SPECC1L: variants seen among roughly 807,000 people sequenced by gnomAD.
SPECC1L encodes sperm antigen with calponin homology and coiled-coil domains 1 like, also known as cytospin-A.
Under a neutral mutation model 116.8 loss-of-function variants are expected in SPECC1L, and 40 were observed. The observed-to-expected ratio is 0.34, with a 90% CI of 0.27 to 0.45. The LOEUF is 0.45. Ranked by LOEUF, SPECC1L falls within the 20% of genes least tolerant of loss-of-function variation. The pLI is 1.00. For missense variants in SPECC1L, 1,110 were observed against 1,373.6 expected (o/e 0.81, Z 3.03); for synonymous variants, 504 against 500.6 (o/e 1.01, Z -0.09).
intron 3 of SPECC1L, among the ~76,000 whole-genome samples, chr22:24,306,581 CT>C (rs1569413530): frequency 1.3e-5 from 2 of 152,058 alleles, no homozygotes; most frequent in African/African-American, 4.8e-5. Context: ...CAGGGTCTCA[CT>C]TTTTTACCCT....
chr22:24,410,514 C>T (rs946217617), intron 14 of SPECC1L, among the ~76,000 whole-genome samples: 55 of 152,262 alleles, frequency 3.6e-4, no homozygotes, highest in African/African-American at 1.3e-3. Flanking sequence ...CATCCCACCT[C>T]CCCACACCAG....
chr22:24,321,741 G>A lies in SPECC1L; in HGVS notation c.761G>A (p.Arg254His), dbSNP rs1331475124. 1.2e-6 allele frequency: 2 copies of A among 1,614,074 alleles called. No homozygotes were observed. Among genetic ancestry groups the A allele is most frequent in the African/African-American group, 2.7e-5 (2 of 74,934 alleles). The change falls in exon 5 of 17, where the codon CGT (arginine) becomes CAT (histidine). Residue 254 changes from arginine to histidine, a missense_variant. Around this residue, in one of 4 missense-constraint regions of SPECC1L, gnomAD observed 437 missense variants for 482.6 expected, o/e 0.91. Coordinates refer to ENST00000314328, the MANE Select transcript of SPECC1L (RefSeq NM_015330.6). ...LQLQEQNTAI[R>H]EELNQLKNEN... ...TTGCAGGAACAGAATACTGCCATCC[G>A]TGAAGAACTCAACCAGCTGAAAAAT...
At chr22:24,365,909 C>T (rs1180027502) in intron 13 of SPECC1L, among the ~76,000 whole-genome samples, 3 of 148,186 alleles carry the variant, frequency 2.0e-5, no homozygotes, top group Non-Finnish European at 3.0e-5. Flanking sequence ...ATTTAAATAC[C>T]GAGGAATGGG....
rs1042819965 is a variant in SPECC1L, at chr22:24,286,661, C to T, written c.-38+9858C>T. ...AGTTCTAGACTCAGTTATAGGATAT[C>T]TTAATAACAGGCCGTGAACTGTGTC... On this transcript the variant is annotated intron_variant, in intron 2 of 16. Coordinates refer to ENST00000314328, the MANE Select transcript of SPECC1L (RefSeq NM_015330.6). Among the ~76,000 whole-genome samples, 4 of 152,240 alleles carry T rather than the reference C, an allele frequency of 2.6e-5. No homozygotes were observed. The East Asian group carries it at 7.7e-4, about 29-fold the overall frequency.
At chr22:24,351,682 A>G (rs1161974782) in intron 11 of SPECC1L, among the ~76,000 whole-genome samples, 1 of 152,202 alleles carries the variant, frequency 6.6e-6, no homozygotes, top group African/African-American at 2.4e-5. Context: ...AACCACTCAG[A>G]AAACTAAGAA....
chr22:24,339,590 C>T (rs1321706868), intron 10 of SPECC1L, among the ~76,000 whole-genome samples: 1 of 152,178 alleles, frequency 6.6e-6, no homozygotes, highest in Non-Finnish European at 1.5e-5. Flanking sequence ...GTGAGAGTAG[C>T]CAAAGGAAAC....
At chr22:24,412,106 G>C in intron 15 of SPECC1L, 1 of 366,510 alleles carries the variant, frequency 2.7e-6, no homozygotes, top group Non-Finnish European at 5.3e-6. Flanking sequence ...TGCACTGTGG[G>C]CCTTAGAACT....
intron 10 of SPECC1L, among the ~76,000 whole-genome samples, chr22:24,341,310 C>T (rs1233832985): frequency 6.6e-6 from 1 of 152,166 alleles, no homozygotes; most frequent in Non-Finnish European, 1.5e-5. Context: ...GGAACAGCCC[C>T]GCAAGAATAA....
chr22:24,396,206 T>C (rs2042365292), intron 14 of SPECC1L, among the ~76,000 whole-genome samples: 1 of 152,154 alleles, frequency 6.6e-6, no homozygotes, highest in African/African-American at 2.4e-5. Context: ...ATTTGACACT[T>C]GTTGTGCACA....
chr22:24,331,835 T>G (rs2037536393), intron 8 of SPECC1L, among the ~76,000 whole-genome samples: 1 of 152,244 alleles, frequency 6.6e-6, no homozygotes, highest in Non-Finnish European at 1.5e-5. Flanking sequence ...CTTGATTTTT[T>G]TTTAATGTAG....
chr22:24,297,473 A>C (rs200349057), intron 2 of SPECC1L, among the ~76,000 whole-genome samples: 12 of 152,110 alleles, frequency 7.9e-5, no homozygotes, highest in African/African-American at 1.7e-4. Flanking sequence ...ATATATATAT[A>C]TCTCTCCAGT....
intron 11 of SPECC1L, among the ~76,000 whole-genome samples, chr22:24,350,165 T>A (rs1438203078): frequency 6.6e-6 from 1 of 152,062 alleles, no homozygotes; most frequent in Non-Finnish European, 1.5e-5. Flanking sequence ...TCGAACCTCC[T>A]CAGCAAGGCC....
At chr22:24,376,516 C>G (rs2041974546) in intron 14 of SPECC1L, among the ~76,000 whole-genome samples, 5 of 152,080 alleles carry the variant, frequency 3.3e-5, no homozygotes, top group Admixed American at 3.3e-4. Context: ...CAAGGAGGCA[C>G]AAGTCTAATA....
At chr22:24,328,756 G>A (rs5760346) in intron 6 of SPECC1L, 90 bp from the exon 7 acceptor site, 19,512 of 1,009,184 alleles carry the variant, frequency 0.019, 1,073 homozygotes, top group South Asian at 0.1. Context: ...AACTTTTTTC[G>A]AATGTCATAT....
chr22:24,280,900 A>AT (rs1398554077), intron 2 of SPECC1L, among the ~76,000 whole-genome samples: 3 of 151,850 alleles, frequency 2.0e-5, no homozygotes, highest in African/African-American at 7.3e-5. Flanking sequence ...TAGTCTTTTG[A>AT]TTTTTTTTCC....
chr22:24,320,050 G>T (rs1031316656), intron 4 of SPECC1L, among the ~76,000 whole-genome samples: 1 of 152,232 alleles, frequency 6.6e-6, no homozygotes, highest in African/African-American at 2.4e-5. Context: ...GACGCGGGCA[G>T]ATCATTTGAG....
intron 5 of SPECC1L, among the ~76,000 whole-genome samples, chr22:24,323,811 C>T (rs1228180243): frequency 6.6e-6 from 1 of 152,164 alleles, no homozygotes; most frequent in African/African-American, 2.4e-5. Context: ...TTTGTAAAAA[C>T]ACTATTTGAG....
In SPECC1L at chr22:24,347,125, C is replaced by G. The variant is rs1225747199; in HGVS notation, c.2692C>G (p.Leu898Val). ...TGGACCAATCTCAACATCCAAACCC[C>G]TGACAGCCCTGTCAGATAAGAGACC... ...ISGPISTSKP[L>V]TALSDKRPNY... Residue 898 changes from leucine (L) to valine (V), a missense_variant, in exon 11 of 17, where the codon CTG (leucine) becomes GTG (valine). Physicochemically the swap from Leu to Val is conservative, Grantham distance 32. Around this residue, in one of 4 missense-constraint regions of SPECC1L, gnomAD observed 575 missense variants for 682.4 expected, o/e 0.84. Coordinates refer to ENST00000314328, the MANE Select transcript of SPECC1L (RefSeq NM_015330.6). The G allele has an allele frequency of 6.2e-7, 1 of 1,614,068 alleles. No homozygotes were observed. Among genetic ancestry groups the G allele is most frequent in the Admixed American group, 1.7e-5 (1 of 60,028 alleles).
intron 3 of SPECC1L, among the ~76,000 whole-genome samples, chr22:24,311,001 A>G (rs1398723832): frequency 4.6e-5 from 7 of 152,200 alleles, no homozygotes; most frequent in Non-Finnish European, 5.9e-5. Context: ...CACTTGACCT[A>G]GCACCATTTT....
Sources: allele counts gnomAD v4.1 joint callset (sites outside exome capture counted in the v4.1 genomes callset), GRCh38; gene constraint gnomAD v4.1.1; regional missense constraint gnomAD v4.1.1; transcripts MANE v1.5; gene names NCBI Gene and HGNC (gene_info 2026-07-23, HGNC 2026-07-21).